Variants in MITF observed in about 807,000 individuals in gnomAD.
MITF encodes the protein melanocyte inducing transcription factor, also known as microphthalmia-associated transcription factor.
In MITF, 17 loss-of-function variants were observed where a neutral mutation model predicts 60.5. That is an observed-to-expected ratio of 0.28 (90% CI 0.19 to 0.42). The LOEUF is 0.42. MITF is among the 10% of genes least tolerant of loss of function. The pLI is 1.00. For missense variants in MITF, 622 were observed against 683.5 expected (o/e 0.91, Z 1.00); for synonymous variants, 260 against 248.5 (o/e 1.05, Z -0.43).
At chr3:69,936,306 G>A (rs1576000361) in intron 2 of MITF, among the ~76,000 whole-genome samples, 1 of 152,286 alleles carries the variant, frequency 6.6e-6, no homozygotes, top group East Asian at 1.9e-4. Flanking sequence ...ACCTATTGCT[G>A]AAAGAGAAAT....
At chr3:69,859,793 A>G (rs1254311625) in intron 1 of MITF, among the ~76,000 whole-genome samples, 2 of 152,182 alleles carry the variant, frequency 1.3e-5, no homozygotes, top group African/African-American at 4.8e-5. Flanking sequence ...AAAAGTTACT[A>G]ACAGTAAAAT....
At chr3:69,741,149 C>T (rs1262531431) in intron 1 of MITF, among the ~76,000 whole-genome samples, 1 of 152,076 alleles carries the variant, frequency 6.6e-6, no homozygotes. Flanking sequence ...GGTTTTTCCT[C>T]ATAATGGCTG....
chr3:69,935,946 T>C (rs987571638), intron 2 of MITF, among the ~76,000 whole-genome samples: 1 of 152,264 alleles, frequency 6.6e-6, no homozygotes, highest in Non-Finnish European at 1.5e-5. Context: ...AAAATGCTCA[T>C]GCTTTTTTCA....
intron 5 of MITF, among the ~76,000 whole-genome samples, chr3:69,945,764 A>G (rs574026079): frequency 2.2e-4 from 33 of 152,222 alleles, no homozygotes; most frequent in Admixed American, 1.9e-3. Flanking sequence ...CCTGGCCTTC[A>G]CCCACTGGAT....
At chr3:69,802,204 G>T (rs1313420298) in intron 1 of MITF, among the ~76,000 whole-genome samples, 1 of 152,022 alleles carries the variant, frequency 6.6e-6, no homozygotes, top group African/African-American at 2.4e-5. Flanking sequence ...GGCAGCGCAG[G>T]GTGTTACTGG....
chr3:69,894,475 C>T (rs1235969995), intron 2 of MITF, among the ~76,000 whole-genome samples: 4 of 152,086 alleles, frequency 2.6e-5, no homozygotes, highest in African/African-American at 2.4e-5. Context: ...CACCTGAGGT[C>T]AGGAGTTCGA....
chr3:69,759,800 CAA>C (rs1354937301), intron 1 of MITF, among the ~76,000 whole-genome samples: 1 of 151,722 alleles, frequency 6.6e-6, no homozygotes, highest in African/African-American at 2.4e-5. Context: ...TTTTTTGAGA[CAA>C]AGTCTCGCTC....
chr3:69,867,740 G>T (rs1245759658), intron 1 of MITF, among the ~76,000 whole-genome samples: 3 of 152,144 alleles, frequency 2.0e-5, no homozygotes, highest in African/African-American at 7.2e-5. Flanking sequence ...ATGAACAAAT[G>T]AAACTTGCTA....
Position 69,803,361 on chromosome 3 carries a change from A to G in MITF, c.104+63660A>G, listed in dbSNP as rs903931589. ...CCCTATGTTTAATGGCAGTTTTATC[A>G]TTTCATTGCAAGTAAAAATCCTTTC... On this transcript the variant is annotated intron_variant, in intron 1 of 9. Coordinates refer to ENST00000352241, the MANE Select transcript of MITF (RefSeq NM_001354604.2). 4.6e-5 allele frequency among the ~76,000 whole-genome samples: 7 copies of G among 152,218 alleles called. No individual in the cohort carries two copies. The East Asian group carries it at 1.3e-3, about 29-fold the overall frequency.
intron 1 of MITF, among the ~76,000 whole-genome samples, chr3:69,740,035 C>T (rs1703471807): frequency 1.3e-5 from 2 of 152,178 alleles, no homozygotes; most frequent in South Asian, 4.2e-4. Context: ...GGAGGAGGAG[C>T]GCCGGGCCGG....
intron 2 of MITF, among the ~76,000 whole-genome samples, chr3:69,911,322 T>C (rs1415326542): frequency 6.6e-6 from 1 of 152,134 alleles, no homozygotes; most frequent in Non-Finnish European, 1.5e-5. Context: ...CGGACCAGTA[T>C]AGATGGGCTC....
At chr3:69,840,832 C>G (rs1024737645) in intron 1 of MITF, among the ~76,000 whole-genome samples, 1 of 151,570 alleles carries the variant, frequency 6.6e-6, no homozygotes, top group East Asian at 1.9e-4. Context: ...CAGCTCACTG[C>G]AACCTCTCTG....
Position 69,965,351 on chromosome 3 carries a change from G to A in MITF, c.*103G>A. 2 of 1,352,606 alleles carry A rather than the reference G, an allele frequency of 1.5e-6. No homozygotes were observed. Among genetic ancestry groups the A allele is most frequent in the Non-Finnish European group, 2.0e-6 (2 of 984,898 alleles). The allele number at this position is 1,352,606 out of a possible 1,614,324, so 83.8% of individuals were successfully genotyped here. On this transcript the variant is annotated 3_prime_UTR_variant, in exon 10 of 10. Coordinates refer to ENST00000352241, the MANE Select transcript of MITF (RefSeq NM_001354604.2). ...TTTCTTGATAATTTTCCTTTAATAT[G>A]AAATTTTTTTTCATGCTTTATCAAT... is the stretch of plus-strand genomic sequence containing the variant.
chr3:69,852,103 G>T lies in MITF; in HGVS notation c.105-27031G>T, dbSNP rs112257406. ...TTAGAGGAGAAAGAGGCATCTAGAT[G>T]GGATCAAGGAAGATTGTTAAGAAAG... is the stretch of plus-strand genomic sequence containing the variant. On this transcript the variant is annotated intron_variant, in intron 1 of 9. Coordinates refer to ENST00000352241, the MANE Select transcript of MITF (RefSeq NM_001354604.2). Among the ~76,000 whole-genome samples, 544 of 152,184 alleles carry T rather than the reference G, an allele frequency of 3.6e-3. 6 individuals carry two copies. Among genetic ancestry groups the T allele is most frequent in the African/African-American group, 0.012 (509 of 41,524 alleles).
chr3:69,906,806 G>A (rs2065109722), intron 2 of MITF, among the ~76,000 whole-genome samples: 1 of 152,154 alleles, frequency 6.6e-6, no homozygotes, highest in Non-Finnish European at 1.5e-5. Flanking sequence ...TGCCCAGATG[G>A]AGAGCATCTA....
intron 2 of MITF, among the ~76,000 whole-genome samples, chr3:69,910,328 G>A (rs1039313646): frequency 6.6e-6 from 1 of 152,212 alleles, no homozygotes; most frequent in African/African-American, 2.4e-5. Flanking sequence ...TGCTATAGGG[G>A]TGGGGCCCTC....
chr3:69,808,734 C>T (rs2063053037), intron 1 of MITF, among the ~76,000 whole-genome samples: 1 of 152,016 alleles, frequency 6.6e-6, no homozygotes, highest in Non-Finnish European at 1.5e-5. Flanking sequence ...CCATGCAGGA[C>T]CTTGACCTCC....
chr3:69,928,433 G>A (rs2065642836), intron 2 of MITF, among the ~76,000 whole-genome samples: 1 of 152,184 alleles, frequency 6.6e-6, no homozygotes, highest in South Asian at 2.1e-4. Flanking sequence ...AATGGGTAAG[G>A]TAGGATTTGC....
At chr3:69,923,029 AGCGGGG>A (rs1052828104) in intron 2 of MITF, among the ~76,000 whole-genome samples, 1 of 152,226 alleles carries the variant, frequency 6.6e-6, no homozygotes, top group African/African-American at 2.4e-5. Flanking sequence ...GTGTCCACCC[AGCGGGG>A]GACCAAATTC....
Sources: allele counts gnomAD v4.1 joint callset (sites outside exome capture counted in the v4.1 genomes callset), GRCh38; gene constraint gnomAD v4.1.1; transcripts MANE v1.5; gene names NCBI Gene and HGNC (gene_info 2026-07-23, HGNC 2026-07-21).